Variants in DISP1 observed in about 807,000 individuals in gnomAD.
DISP1 encodes the protein dispatched RND transporter family member 1.
A neutral mutation model predicts 37.3 loss-of-function variants in DISP1; 30 were observed. The ratio of observed to expected loss-of-function variants is 0.80; its 90% CI spans 0.60 to 1.09. The LOEUF is 1.09. Among genes scored for constraint, DISP1 ranks in the 50% least tolerant of loss-of-function variants. The pLI is 0.00. For synonymous variants in DISP1, 634 were observed against 690.2 expected (o/e 0.92, Z 1.28); for missense variants, 1,598 against 1,879.5 (o/e 0.85, Z 2.77).
chr1:222,821,088 C>T (rs1662758403), intron 1 of DISP1, among the ~76,000 whole-genome samples: 1 of 152,064 alleles, frequency 6.6e-6, no homozygotes, highest in South Asian at 2.1e-4. Context: ...TAGAGTACTT[C>T]TCTACCTCTG....
At chr1:222,821,090 C>T (rs1487504319) in intron 1 of DISP1, among the ~76,000 whole-genome samples, 3 of 152,104 alleles carry the variant, frequency 2.0e-5, no homozygotes, top group African/African-American at 4.8e-5. Context: ...GAGTACTTCT[C>T]TACCTCTGTA....
chr1:222,962,019 A>C (rs959348499), intron 3 of DISP1, among the ~76,000 whole-genome samples: 2 of 151,794 alleles, frequency 1.3e-5, no homozygotes, highest in African/African-American at 4.9e-5. Flanking sequence ...AAAGAAAAAA[A>C]AAGAAGAAGA....
chr1:222,957,071 T>C (rs1024917337), intron 3 of DISP1, among the ~76,000 whole-genome samples: 4 of 150,844 alleles, frequency 2.7e-5, no homozygotes, highest in South Asian at 2.1e-4. Context: ...TTTTCAATCA[T>C]TTAAAAAGAC....
chr1:223,005,702 A>G lies in DISP1; in HGVS notation c.4305A>G (p.Ala1435=). Residue 1435 remains alanine, a synonymous_variant, in exon 9 of 9, where the codon GCA becomes GCG. Coordinates refer to ENST00000675850, the MANE Select transcript of DISP1 (RefSeq NM_001377229.1). Reference sequence around the variant, plus strand: ...GCAGTGGAGGGACTGAAAACAAGGCAGGAGGGAAAGTGGAGCTGAGCTTGT... The same window carrying G: ...GCAGTGGAGGGACTGAAAACAAGGCGGGAGGGAAAGTGGAGCTGAGCTTGT... ...LESSGGTENK[A]GGKVELSLSQ... The G allele has an allele frequency of 6.2e-7, 1 of 1,614,182 alleles. No homozygotes were observed. The highest frequency in any genetic ancestry group is 1.1e-5 in the South Asian group (1 of 91,078).
chr1:222,866,116 AT>A (rs1291162133), intron 1 of DISP1, among the ~76,000 whole-genome samples: 1 of 152,048 alleles, frequency 6.6e-6, no homozygotes, highest in Non-Finnish European at 1.5e-5. Context: ...TGAAAAAAAA[AT>A]GAATGTTGGA....
At chr1:222,823,429 TAGAA>T (rs1663458340) in intron 1 of DISP1, among the ~76,000 whole-genome samples, 2 of 152,124 alleles carry the variant, frequency 1.3e-5, no homozygotes, top group Non-Finnish European at 2.9e-5. Context: ...AGAAATAACT[TAGAA>T]AGTCAAATAC....
chr1:222,991,285 C>T (rs1169756458), intron 5 of DISP1, among the ~76,000 whole-genome samples: 1 of 152,226 alleles, frequency 6.6e-6, no homozygotes, highest in East Asian at 1.9e-4. Context: ...GATAAACTTT[C>T]TTTAGACATG....
Position 222,969,758 on chromosome 1 carries a change from G to T in DISP1, c.510-13322G>T, listed in dbSNP as rs1193123509. 3.9e-5 allele frequency among the ~76,000 whole-genome samples: 6 copies of T among 151,952 alleles called. No homozygotes were observed. The East Asian group carries it at 1.2e-3, about 29-fold the overall frequency. On this transcript the variant is annotated intron_variant, in intron 3 of 8. Coordinates refer to ENST00000675850, the MANE Select transcript of DISP1 (RefSeq NM_001377229.1). ...TAGGCAAAAAGGAAAAATATTCAGA[G>T]AAAATAGATCAAAAAGAGTTACAAT...
chr1:222,871,234 A>C (rs1669552797), intron 1 of DISP1, among the ~76,000 whole-genome samples: 1 of 152,156 alleles, frequency 6.6e-6, no homozygotes, highest in Non-Finnish European at 1.5e-5. Context: ...TGATGCCTCC[A>C]GCTTTGTTCT....
At chr1:222,857,836 G>A (rs1402169070) in intron 1 of DISP1, among the ~76,000 whole-genome samples, 13 of 152,184 alleles carry the variant, frequency 8.5e-5, no homozygotes, top group South Asian at 8.3e-4. Flanking sequence ...AATCAATATC[G>A]TGAAAATGGC....
At position 222,966,667 on chromosome 1, in the gene DISP1, T is replaced by G. The variant is rs565702789; in HGVS notation, c.510-16413T>G. Among the ~76,000 whole-genome samples, 4 of 152,230 alleles carry G rather than the reference T, an allele frequency of 2.6e-5. No individual in the cohort carries two copies. The South Asian group carries it at 8.3e-4, about 32-fold the overall frequency. On this transcript the variant is annotated intron_variant, in intron 3 of 8. Coordinates refer to ENST00000675850, the MANE Select transcript of DISP1 (RefSeq NM_001377229.1). ...GATTGCCTCTGGGGACAGGGTATGA[T>G]TATTGATTGGGAAGAGGCACAAGTG... is the stretch of plus-strand genomic sequence containing the variant.
At chr1:222,971,858 G>A (rs1026415572) in intron 3 of DISP1, among the ~76,000 whole-genome samples, 1 of 152,062 alleles carries the variant, frequency 6.6e-6, no homozygotes, top group Non-Finnish European at 1.5e-5. Context: ...ATGTGGAAAG[G>A]TTTTAGTATT....
At chr1:222,973,338 C>G (rs1001299464) in intron 3 of DISP1, among the ~76,000 whole-genome samples, 3 of 152,146 alleles carry the variant, frequency 2.0e-5, no homozygotes, top group Admixed American at 2.0e-4. Flanking sequence ...CTCTGGTAAA[C>G]AGGTCTATTG....
intron 1 of DISP1, chr1:222,830,901 T>G (rs1235248520): frequency 6.6e-6 from 1 of 152,238 alleles, no homozygotes; most frequent in Non-Finnish European, 1.5e-5. Flanking sequence ...TGCTGCATTT[T>G]ATTTAGATCT....
intron 1 of DISP1, among the ~76,000 whole-genome samples, chr1:222,879,032 C>T (rs182782726): frequency 2.2e-4 from 33 of 152,156 alleles, no homozygotes; most frequent in Non-Finnish European, 4.6e-4. Flanking sequence ...TCTGGTTCTT[C>T]GTTTCTTCTT....
intron 8 of DISP1, among the ~76,000 whole-genome samples, chr1:222,997,773 C>A (rs1484616385): frequency 6.6e-6 from 1 of 152,152 alleles, no homozygotes; most frequent in African/African-American, 2.4e-5. Flanking sequence ...AAGTCAACAA[C>A]TAAAAGCATT....
intron 3 of DISP1, among the ~76,000 whole-genome samples, chr1:222,949,295 G>T (rs569948924): frequency 0.058 from 8,754 of 152,048 alleles, 300 homozygotes; most frequent in Non-Finnish European, 0.075. Flanking sequence ...TTGGGAGGCT[G>T]AGGCAGGAGA....
chr1:222,915,184 A>G (rs1229845218), intron 1 of DISP1, among the ~76,000 whole-genome samples: 2 of 152,174 alleles, frequency 1.3e-5, no homozygotes, highest in Non-Finnish European at 2.9e-5. Context: ...TCCAAAAGTT[A>G]TGCTTCTTTG....
chr1:222,933,516 G>T (rs1673528181), intron 2 of DISP1, among the ~76,000 whole-genome samples: 1 of 151,852 alleles, frequency 6.6e-6, no homozygotes, highest in African/African-American at 2.4e-5. Flanking sequence ...CTCCTAGTTG[G>T]CAGAGAGCTA....
Sources: gnomAD v4.1 joint callset for allele counts (sites outside exome capture counted in the v4.1 genomes callset) on GRCh38, gnomAD v4.1.1 for gene constraint, MANE v1.5 for transcripts, NCBI Gene and HGNC (gene_info 2026-07-23, HGNC 2026-07-21) for gene names.